Variants in MIPOL1 observed in about 807,000 individuals in gnomAD.
MIPOL1 encodes the protein mirror-image polydactyly gene 1 protein.
MIPOL1 carries 57 observed loss-of-function variants against 60.9 expected under a neutral mutation model. The observed-to-expected ratio is 0.94, with a 90% CI of 0.76 to 1.17. MIPOL1 has a LOEUF of 1.17. Ranked by LOEUF, MIPOL1 falls within the 50% of genes most tolerant of loss-of-function variation. MIPOL1 has a pLI of 0.00. For missense variants in MIPOL1, 551 were observed against 511.6 expected (o/e 1.08, Z -0.74); for synonymous variants, 179 against 168.8 (o/e 1.06, Z -0.47).
intron 10 of MIPOL1, among the ~76,000 whole-genome samples, chr14:37,374,390 T>C (rs920333608): frequency 2.0e-5 from 3 of 152,196 alleles, no homozygotes; most frequent in African/African-American, 7.2e-5. Context: ...TTAGTTTAAT[T>C]AGATCCCATT....
At chr14:37,519,380 C>T (rs961639322) in intron 12 of MIPOL1, among the ~76,000 whole-genome samples, 3 of 152,086 alleles carry the variant, frequency 2.0e-5, no homozygotes, top group Non-Finnish European at 4.4e-5. Context: ...ACCACTCAAC[C>T]CTTTATCAGA....
intron 11 of MIPOL1, among the ~76,000 whole-genome samples, chr14:37,453,078 A>G (rs1566631378): frequency 6.6e-6 from 1 of 152,182 alleles, no homozygotes; most frequent in East Asian, 1.9e-4. Context: ...ATTTCCTTCA[A>G]TTCCCATCTG....
chr14:37,316,280 C>G (rs1437400534), intron 9 of MIPOL1, among the ~76,000 whole-genome samples: 2 of 152,084 alleles, frequency 1.3e-5, no homozygotes, highest in Non-Finnish European at 2.9e-5. Context: ...ATCCACCCGC[C>G]TTGGGCTCTC....
At chr14:37,225,955 A>C (rs1176061434) in intron 1 of MIPOL1, among the ~76,000 whole-genome samples, 1 of 152,148 alleles carries the variant, frequency 6.6e-6, no homozygotes, top group Non-Finnish European at 1.5e-5. Context: ...AAGTTCCACA[A>C]ATCTCTAGGG....
chr14:37,481,612 C>CACACACACA (rs1555356178), intron 11 of MIPOL1, among the ~76,000 whole-genome samples: 4 of 138,372 alleles, frequency 2.9e-5, no homozygotes, highest in Admixed American at 7.3e-5. Flanking sequence ...CACACACACA[C>CACACACACA]CGAAACCACA....
At chr14:37,476,462 A>G (rs1035629694) in intron 11 of MIPOL1, among the ~76,000 whole-genome samples, 6 of 152,100 alleles carry the variant, frequency 3.9e-5, no homozygotes, top group Non-Finnish European at 7.4e-5. Context: ...TAGGACTTCT[A>G]GTGCGATGTT....
At chr14:37,321,753 A>G (rs552998750) in intron 9 of MIPOL1, among the ~76,000 whole-genome samples, 10 of 152,024 alleles carry the variant, frequency 6.6e-5, no homozygotes, top group African/African-American at 2.4e-4. Context: ...AAGCCATTTT[A>G]TTATGTACTA....
chr14:37,525,237 C>T (rs2095439817), intron 12 of MIPOL1, among the ~76,000 whole-genome samples: 1 of 152,188 alleles, frequency 6.6e-6, no homozygotes. Context: ...TCTGACATCA[C>T]TGAGCATACA....
intron 12 of MIPOL1, chr14:37,506,857 G>T (rs2095281669): frequency 6.6e-6 from 1 of 152,014 alleles, no homozygotes; most frequent in South Asian, 2.1e-4. Context: ...ATCTGACAAT[G>T]GGCTAATATC....
At chr14:37,367,991 C>A (rs1015308586) in intron 9 of MIPOL1, among the ~76,000 whole-genome samples, 15 of 151,688 alleles carry the variant, frequency 9.9e-5, no homozygotes, top group Non-Finnish European at 2.1e-4. Flanking sequence ...AAAATAAATA[C>A]CACATAATAT....
intron 9 of MIPOL1, among the ~76,000 whole-genome samples, chr14:37,312,728 T>C (rs941971500): frequency 6.6e-6 from 1 of 152,144 alleles, no homozygotes; most frequent in Non-Finnish European, 1.5e-5. Flanking sequence ...ATATAATTAA[T>C]TTAAAAATTA....
intron 9 of MIPOL1, among the ~76,000 whole-genome samples, chr14:37,312,682 A>G (rs908009967): frequency 2.0e-5 from 3 of 152,100 alleles, no homozygotes; most frequent in African/African-American, 7.2e-5. Context: ...TTTCTCTTCT[A>G]TCTCAAACTG....
rs1199146373 is a variant in MIPOL1 at position 37,267,056 on chromosome 14, T to TA, written c.140dup (p.Asn47LysfsTer2). 1 of 1,613,992 alleles carries TA rather than the reference T, an allele frequency of 6.2e-7. No homozygotes were observed. The highest frequency in any genetic ancestry group is 1.1e-5 in the South Asian group (1 of 91,084). On this transcript the variant is annotated frameshift_variant, in exon 4 of 13. Transcript: ENST00000684589. LOFTEE classifies it high-confidence loss of function. ...TGCATCGGAAATCCACTGAATTAGT[T>TA]AATGAAATAACATGTGAGAACACAG...
At chr14:37,451,806 C>CTTTTTTTTTTTTTTTTTTTTTTT (rs2094420771) in intron 11 of MIPOL1, among the ~76,000 whole-genome samples, 1 of 106,182 alleles carries the variant, frequency 9.4e-6, no homozygotes, top group African/African-American at 4.7e-5. Flanking sequence ...TGTTTATTCT[C>CTTTTTTTTTTTTTTTTTTTTTTT]TCTTTTTTTT....
chr14:37,444,441 T>C (rs541378864), intron 11 of MIPOL1, among the ~76,000 whole-genome samples: 1 of 152,322 alleles, frequency 6.6e-6, no homozygotes, highest in East Asian at 1.9e-4. Context: ...TTCTGTGATA[T>C]CAATTCTCTC....
chr14:37,392,966 A>G (rs1566508236), intron 10 of MIPOL1, among the ~76,000 whole-genome samples: 1 of 152,150 alleles, frequency 6.6e-6, no homozygotes, highest in African/African-American at 2.4e-5. Context: ...TCATAAATGT[A>G]ATTGAGTTAA....
At chr14:37,208,597 T>A (rs1173552433) in intron 1 of MIPOL1, among the ~76,000 whole-genome samples, 1 of 152,156 alleles carries the variant, frequency 6.6e-6, no homozygotes, top group Non-Finnish European at 1.5e-5. Context: ...AATATTGTTG[T>A]TTTTTAATTT....
intron 10 of MIPOL1, chr14:37,369,966 G>T (rs2092595172): frequency 6.5e-6 from 1 of 154,012 alleles, no homozygotes. Flanking sequence ...CCTTTGCTTT[G>T]CATCAATATT....
chr14:37,292,465 C>CT (rs34055899), intron 7 of MIPOL1, among the ~76,000 whole-genome samples: 2,228 of 63,362 alleles, frequency 0.035, 258 homozygotes, highest in African/African-American at 0.091. Context: ...CCTTAATAAA[C>CT]TTTTTTTTTT....
Sources: gnomAD v4.1 joint callset for allele counts (sites outside exome capture counted in the v4.1 genomes callset) on GRCh38, gnomAD v4.1.1 for gene constraint, MANE v1.5 for transcripts, NCBI Gene and HGNC (gene_info 2026-07-23, HGNC 2026-07-21) for gene names.